Variants in CAD observed in about 807,000 individuals in gnomAD.
CAD encodes multifunctional protein CAD.
CAD carries 81 observed loss-of-function variants against 237.2 expected under a neutral mutation model. The observed-to-expected ratio is 0.34, with a 90% CI of 0.29 to 0.41. The LOEUF is 0.41. Ranked by LOEUF, CAD falls within the 10% of genes least tolerant of loss-of-function variation. The probability of loss-of-function intolerance (pLI) is 1.00; values close to 1 mark genes in which losing one functional copy is unlikely to be tolerated. For synonymous variants in CAD, 1,196 were observed against 1,162.8 expected (o/e 1.03, Z -0.58); for missense variants, 2,181 against 2,951.7 (o/e 0.74, Z 6.05).
At chr2:27,231,028 C>T (rs1455246372) in intron 15 of CAD, among the ~76,000 whole-genome samples, 1 of 152,208 alleles carries the variant, frequency 6.6e-6, no homozygotes, top group South Asian at 2.1e-4. Flanking sequence ...TTGTTTGAGA[C>T]GGAGTCTCGC....
In CAD at chr2:27,241,405, C is replaced by T. The variant is rs746536475; in HGVS notation, c.5883+9C>T. 2.5e-6 allele frequency: 4 copies of T among 1,613,658 alleles called. No individual in the cohort carries two copies. In the East Asian group the frequency reaches 8.9e-5, roughly 36 times the overall value. On this transcript the variant is annotated intron_variant, in intron 38 of 43. Coordinates refer to ENST00000264705, the MANE Select transcript of CAD (RefSeq NM_004341.5). This position sits in a 1 kb window ranked among gnomAD's most constrained non-coding sequence, Gnocchi z 4.6. ...GCCTCGACATCCTGAAGGTCAGGAT[C>T]AGGGCCGGGGGTAGGGTCCAGGCCA...
chr2:27,229,835 C>T (rs767761408), intron 15 of CAD, among the ~76,000 whole-genome samples: 6 of 146,946 alleles, frequency 4.1e-5, no homozygotes, highest in Non-Finnish European at 8.9e-5. Context: ...GAGATTGCAC[C>T]ACTGACTCCA....
chr2:27,232,619 C>G lies in CAD; in HGVS notation c.2817C>G (p.Gly939=). The change falls in exon 18 of 44, where the codon GGC becomes GGG. Residue 939 remains glycine (G), a synonymous_variant. Transcript: ENST00000264705. The surrounding 1 kb of genome is among the most constrained non-coding windows in gnomAD (Gnocchi z 4.1). ...TFRTPHVLVL[G]SGVYRIGSSV... ...GAACACCTCATGTCCTAGTCCTTGG[C>G]TCTGGCGTCTACCGTATTGGCTCTA... is the stretch of plus-strand genomic sequence containing the variant. 6.2e-7 allele frequency: 1 copy of G among 1,614,186 alleles called. No individual in the cohort carries two copies. The highest frequency in any genetic ancestry group is 8.5e-7 in the Non-Finnish European group (1 of 1,180,024).
Position 27,242,799 on chromosome 2 carries a change from G to A in CAD, c.6378+24G>A. The A allele has an allele frequency of 6.2e-7, 1 of 1,614,174 alleles. No individual in the cohort carries two copies. ...AGGTGAGACCCTCACAGCCCTGCCT[G>A]GAAGCCATGGAGATGTGGGTTGGGC... On this transcript the variant is annotated intron_variant, in intron 41 of 43. Transcript: ENST00000264705. This position sits in a 1 kb window ranked among gnomAD's most constrained non-coding sequence, Gnocchi z 6.4.
rs546442710 is a variant in CAD at position 27,219,643 on chromosome 2, T to C, written c.223-1575T>C. On this transcript the variant is annotated intron_variant, in intron 2 of 43. Coordinates refer to ENST00000264705, the MANE Select transcript of CAD (RefSeq NM_004341.5). ...TTCTTTCTTGTTGCTCAGGTTGGAGTGCAATGGGCAACCTTGGCTCACTGC... is the reference window on the plus strand; with the variant it reads ...TTCTTTCTTGTTGCTCAGGTTGGAGCGCAATGGGCAACCTTGGCTCACTGC... 3.0e-4 allele frequency among the ~76,000 whole-genome samples: 45 copies of C among 152,210 alleles called. 1 individual carries two copies. Among genetic ancestry groups the C allele is most frequent in the African/African-American group, 9.6e-4 (40 of 41,530 alleles).
At position 27,240,208 on chromosome 2, in the gene CAD, G is replaced by A. The variant is rs1470673670; in HGVS notation, c.5497-57G>A. ...CACTCCAGCCTGAGCGACAGAACGA[G>A]ACTCCGTCTCAAAAGAAAAAAAAAA... On this transcript the variant is annotated intron_variant, in intron 34 of 43. Coordinates refer to ENST00000264705, the MANE Select transcript of CAD (RefSeq NM_004341.5). The surrounding 1 kb of genome is among the most constrained non-coding windows in gnomAD (Gnocchi z 4.6). 77 of 1,302,550 alleles carry A rather than the reference G, an allele frequency of 5.9e-5. No homozygotes were observed. The highest frequency in any genetic ancestry group is 4.0e-4 in the Middle Eastern group (2 of 4,976). The allele number at this position is 1,302,550 out of a possible 1,614,324, so 80.7% of individuals were successfully genotyped here. A position where few individuals can be genotyped will look rare whatever the true frequency, so the allele number is the denominator to read the frequency against.
At chr2:27,238,740 T>G (rs1676148540) in intron 31 of CAD, 108 bp downstream of exon 31, 1 of 1,040,280 alleles carries the variant, frequency 9.6e-7, no homozygotes. Context: ...GGACAGGGTC[T>G]TGATCCGTAT....
At position 27,232,013 on chromosome 2, in the gene CAD, G is replaced by A; in HGVS notation, c.2434G>A (p.Val812Met). Residue 812 changes from valine to methionine, a missense_variant, in exon 17 of 44, where the codon GTG becomes ATG. This residue lies in a region of CAD where 385 missense variants were observed against 535.1 expected (regional missense o/e 0.72). Coordinates refer to ENST00000264705, the MANE Select transcript of CAD (RefSeq NM_004341.5). This position sits in a 1 kb window ranked among gnomAD's most constrained non-coding sequence, Gnocchi z 4.1. ...GACTCCAACAGATAAGCGGATTTTT[G>A]TGGTGGCAGCTGCTTTGTGGGCTGG... ...LETPTDKRIF[V>M]VAAALWAGYS... 3 of 1,614,206 alleles carry A rather than the reference G, an allele frequency of 1.9e-6. No individual in the cohort carries two copies. The highest frequency in any genetic ancestry group is 1.7e-5 in the Admixed American group (1 of 60,032).
chr2:27,228,922 CTTT>C (rs1183635798), intron 15 of CAD, among the ~76,000 whole-genome samples: 4 of 105,938 alleles, frequency 3.8e-5, no homozygotes, highest in Non-Finnish European at 3.9e-5. Flanking sequence ...TTTTTTTTTT[CTTT>C]TTTTTTTTTT....
At chr2:27,230,929 A>G (rs1561536) in intron 15 of CAD, among the ~76,000 whole-genome samples, 8,754 of 152,344 alleles carry the variant, frequency 0.057, 300 homozygotes, top group African/African-American at 0.087. Flanking sequence ...ATATTCATCA[A>G]TAAGCACAAA....
In CAD at chr2:27,240,613, G is replaced by T. The variant is rs912202595; in HGVS notation, c.5593+252G>T. On this transcript the variant is annotated intron_variant, in intron 35 of 43. Coordinates refer to ENST00000264705, the MANE Select transcript of CAD (RefSeq NM_004341.5). The surrounding 1 kb of genome is among the most constrained non-coding windows in gnomAD (Gnocchi z 4.6). ...CTGGGATCCCACGGGGCAGCAGAGCGTGGGGTAAATCCAGGTTGTTGGTTG... is the reference window on the plus strand; with the variant it reads ...CTGGGATCCCACGGGGCAGCAGAGCTTGGGGTAAATCCAGGTTGTTGGTTG... 1.9e-5 allele frequency: 29 copies of T among 1,543,614 alleles called. No homozygotes were observed. The East Asian group carries it at 7.1e-4, about 38-fold the overall frequency.
chr2:27,224,076 G>T, intron 8 of CAD, 47 bp downstream of exon 8: 1 of 1,381,312 alleles, frequency 7.2e-7, no homozygotes. Flanking sequence ...AACAGGGTTG[G>T]CTCCAGGATG....
At chr2:27,227,409 G>A (rs534524154) in intron 15 of CAD, 6 of 162,866 alleles carry the variant, frequency 3.7e-5, no homozygotes, top group East Asian at 1.8e-4. Context: ...GCCGAAGACC[G>A]TCCTCTAACA....
In CAD at chr2:27,233,268, G is replaced by A; in HGVS notation, c.2992-44G>A. The A allele has an allele frequency of 6.4e-7, 1 of 1,570,688 alleles. No homozygotes were observed. Among genetic ancestry groups the A allele is most frequent in the Non-Finnish European group, 8.8e-7 (1 of 1,141,016 alleles). ...AGTGAGCAGGAAGGCTCAGATTCCTGCCCTCTTTTGCTGCCACCACTTGTT... is the reference window on the plus strand; with the variant it reads ...AGTGAGCAGGAAGGCTCAGATTCCTACCCTCTTTTGCTGCCACCACTTGTT... On this transcript the variant is annotated intron_variant, in intron 19 of 43. Transcript: ENST00000264705. This position sits in a 1 kb window ranked among gnomAD's most constrained non-coding sequence, Gnocchi z 6.3.
At position 27,235,115 on chromosome 2, in the gene CAD, G is replaced by A; in HGVS notation, c.3787-130G>A. Reference sequence around the variant, plus strand: ...CCAAGTACGTTTGGAAAGCAGGAGGGCACACAGAGAGGGCAGGCTGACCCT... The same window carrying A: ...CCAAGTACGTTTGGAAAGCAGGAGGACACACAGAGAGGGCAGGCTGACCCT... On this transcript the variant is annotated intron_variant, in intron 23 of 43. Transcript: ENST00000264705. The surrounding 1 kb of genome is among the most constrained non-coding windows in gnomAD (Gnocchi z 5.2). 1.3e-6 allele frequency: 1 copy of A among 783,092 alleles called. No individual in the cohort carries two copies. The highest frequency in any genetic ancestry group is 2.0e-6 in the Non-Finnish European group (1 of 503,610). 48.5% of individuals were successfully genotyped at this position (783,092 alleles called of 1,614,324 possible).
In CAD at chr2:27,243,471, A is replaced by G. The variant is rs763415972; in HGVS notation, c.6631A>G (p.Met2211Val). The G allele has an allele frequency of 6.2e-6, 10 of 1,604,678 alleles. No homozygotes were observed. The highest frequency in any genetic ancestry group is 3.4e-5 in the Admixed American group (2 of 58,504). Residue 2211 changes from methionine to valine, a missense_variant, in exon 44 of 44, where the codon ATG (methionine) becomes GTG (valine). Coordinates refer to ENST00000264705, the MANE Select transcript of CAD (RefSeq NM_004341.5). ...CTACTTCCGCCAGGCTGAGAACGGCATGTACATCCGCATGGCTCTGTTAGC... is the reference window on the plus strand; with the variant it reads ...CTACTTCCGCCAGGCTGAGAACGGCGTGTACATCCGCATGGCTCTGTTAGC... ...AAYFRQAENG[M>V]YIRMALLATV...
chr2:27,230,155 T>A (rs1217984112), intron 15 of CAD, among the ~76,000 whole-genome samples: 1 of 151,972 alleles, frequency 6.6e-6, no homozygotes, highest in African/African-American at 2.4e-5. Flanking sequence ...GGAGAATCAC[T>A]TGAACCCAGG....
At position 27,242,027 on chromosome 2, in the gene CAD, C is replaced by T. The variant is rs754731122; in HGVS notation, c.6000C>T (p.Ser2000=). 1.8e-5 allele frequency: 29 copies of T among 1,613,310 alleles called. No homozygotes were observed. In the East Asian group the frequency reaches 2.4e-4, roughly 14 times the overall value. Reference sequence around the variant, plus strand: ...TCAGCTTCTCGGAAGCCACATCGTCCGTCCAGAAGGGCGAATCCCTGGCTG... The same window carrying T: ...TCAGCTTCTCGGAAGCCACATCGTCTGTCCAGAAGGGCGAATCCCTGGCTG... ...AVLSFSEATS[S]VQKGESLADS... Residue 2000 remains serine (S), a synonymous_variant, in exon 39 of 44, where the codon TCC becomes TCT. Transcript: ENST00000264705. This position sits in a 1 kb window ranked among gnomAD's most constrained non-coding sequence, Gnocchi z 6.4.
chr2:27,237,390 G>A lies in CAD; in HGVS notation c.4408G>A (p.Val1470Ile). ...CCATTTTCTCCCAGGATTGATTGAT[G>A]TCCATGTGCACCTGCGGGAACCAGG... Reference protein sequence around the residue: ...KLVRLPGLIDVHVHLREPGGT... With the variant: ...KLVRLPGLIDIHVHLREPGGT... Residue 1470 changes from valine to isoleucine, a missense_variant, in exon 28 of 44, where the codon GTC becomes ATC. Val to Ile is a conservative substitution (Grantham distance 29). Around this residue, in one of 12 missense-constraint regions of CAD, gnomAD observed 478 missense variants for 515.0 expected, o/e 0.93. Coordinates refer to ENST00000264705, the MANE Select transcript of CAD (RefSeq NM_004341.5). The surrounding 1 kb of genome is among the most constrained non-coding windows in gnomAD (Gnocchi z 4.0). 1 of 1,614,114 alleles carries A rather than the reference G, an allele frequency of 6.2e-7. No individual in the cohort carries two copies. The highest frequency in any genetic ancestry group is 8.5e-7 in the Non-Finnish European group (1 of 1,179,988).
Sources: allele counts gnomAD v4.1 joint callset (sites outside exome capture counted in the v4.1 genomes callset), GRCh38; gene constraint gnomAD v4.1.1; regional missense constraint gnomAD v4.1.1; non-coding constraint Gnocchi (gnomAD v3.1); transcripts MANE v1.5; gene names NCBI Gene and HGNC (gene_info 2026-07-23, HGNC 2026-07-21).